The following ADAMTS19 variants were observed in gnomAD, a reference collection of about 807,000 sequenced individuals.
ADAMTS19 encodes A disintegrin and metalloproteinase with thrombospondin motifs 19.
In ADAMTS19, 93 loss-of-function variants were observed where a neutral mutation model predicts 153.3. The ratio of observed to expected loss-of-function variants is 0.61; its 90% CI spans 0.51 to 0.72. The LOEUF (loss-of-function observed/expected upper bound fraction) is 0.72, where lower values mean the gene tolerates loss of function less well. Among genes scored for constraint, ADAMTS19 ranks in the 30% least tolerant of loss-of-function variants. The probability of loss-of-function intolerance (pLI) is 0.00; values close to 1 mark genes in which losing one functional copy is unlikely to be tolerated. For synonymous variants in ADAMTS19, 600 were observed against 556.6 expected (o/e 1.08, Z -1.10); for missense variants, 1,482 against 1,552.1 (o/e 0.95, Z 0.76).
At chr5:129,712,638 T>C (rs1756534322) in intron 21 of ADAMTS19, among the ~76,000 whole-genome samples, 1 of 152,146 alleles carries the variant, frequency 6.6e-6, no homozygotes, top group Non-Finnish European at 1.5e-5. Flanking sequence ...GTCTTATTTA[T>C]TGCCACTAGA....
At chr5:129,691,730 A>G (rs1320281055) in intron 18 of ADAMTS19, among the ~76,000 whole-genome samples, 1 of 152,182 alleles carries the variant, frequency 6.6e-6, no homozygotes. Flanking sequence ...AAATGTCTCA[A>G]TTCATACTCA....
chr5:129,540,074 T>A (rs1454216298), intron 6 of ADAMTS19, among the ~76,000 whole-genome samples: 6 of 152,120 alleles, frequency 3.9e-5, no homozygotes, highest in Admixed American at 3.9e-4. Context: ...AAAAATAGAA[T>A]AACATTGGAA....
chr5:129,645,171 G>A (rs977565263), intron 11 of ADAMTS19, among the ~76,000 whole-genome samples: 1 of 152,058 alleles, frequency 6.6e-6, no homozygotes, highest in East Asian at 1.9e-4. Flanking sequence ...TAATCCCTTA[G>A]TACTTTTATA....
At chr5:129,720,784 A>G (rs905251289) in intron 21 of ADAMTS19, among the ~76,000 whole-genome samples, 1 of 152,172 alleles carries the variant, frequency 6.6e-6, no homozygotes, top group Non-Finnish European at 1.5e-5. Context: ...GGAATAGCCC[A>G]TTTATAAAGT....
chr5:129,649,028 G>GT (rs1753196799), intron 13 of ADAMTS19, 58 bp downstream of exon 13: 1 of 1,451,254 alleles, frequency 6.9e-7, no homozygotes. Context: ...TTTGCGAAGT[G>GT]TTTTTACAAT....
chr5:129,593,444 T>C (rs959378240), intron 7 of ADAMTS19, among the ~76,000 whole-genome samples: 30 of 152,208 alleles, frequency 2.0e-4, no homozygotes, highest in African/African-American at 7.2e-4. Flanking sequence ...CAGAACTTTC[T>C]CTCTGAAATC....
chr5:129,719,767 G>A (rs755391458), intron 21 of ADAMTS19, among the ~76,000 whole-genome samples: 36 of 152,296 alleles, frequency 2.4e-4, no homozygotes, highest in African/African-American at 6.0e-4. Context: ...TCAGCTGGGC[G>A]CAGTGGCCCA....
chr5:129,527,680 TG>T (rs1208861044), intron 4 of ADAMTS19, 67 bp from the exon 5 acceptor site: 11 of 746,816 alleles, frequency 1.5e-5, no homozygotes, highest in Non-Finnish European at 6.7e-6. Flanking sequence ...TCTCCATGTA[TG>T]GGCCTTGAGA....
chr5:129,622,991 G>T (rs901538997), intron 10 of ADAMTS19, among the ~76,000 whole-genome samples: 1 of 151,798 alleles, frequency 6.6e-6, no homozygotes, highest in Non-Finnish European at 1.5e-5. Context: ...TTTCTTATAT[G>T]GAAATGGGTA....
At chr5:129,613,018 A>G (rs1235174798) in intron 8 of ADAMTS19, among the ~76,000 whole-genome samples, 1 of 152,196 alleles carries the variant, frequency 6.6e-6, no homozygotes, top group African/African-American at 2.4e-5. Flanking sequence ...CCAATGCAGG[A>G]GCACCCGGAT....
chr5:129,693,879 G>T (rs1755443090), intron 18 of ADAMTS19, among the ~76,000 whole-genome samples: 1 of 152,114 alleles, frequency 6.6e-6, no homozygotes, highest in African/African-American at 2.4e-5. Context: ...AATCATTTGG[G>T]TAAAGATTTC....
chr5:129,610,934 C>T (rs1581142830), intron 8 of ADAMTS19, among the ~76,000 whole-genome samples: 1 of 152,170 alleles, frequency 6.6e-6, no homozygotes, highest in East Asian at 1.9e-4. Flanking sequence ...TATTTCTCCA[C>T]ATCCTCTCCA....
rs1006341841 is a variant in ADAMTS19 at position 129,582,363 on chromosome 5, CT to C, written c.1373-14187del. On this transcript the variant is annotated intron_variant, in intron 7 of 22. Transcript: ENST00000274487. Reference sequence around the variant, plus strand: ...ACCATTATGTAATGCCCTTCTTTATCTTTTTTTTTAATCTTTGTTTAAAGTC... The same window carrying C: ...ACCATTATGTAATGCCCTTCTTTATCTTTTTTTTAATCTTTGTTTAAAGTC... 1.5e-3 allele frequency among the ~76,000 whole-genome samples: 223 copies of C among 149,552 alleles called. 1 individual carries two copies. The highest frequency in any genetic ancestry group is 4.9e-3 in the African/African-American group (199 of 40,678).
chr5:129,607,460 T>A (rs80158716), intron 8 of ADAMTS19, among the ~76,000 whole-genome samples: 7 of 152,198 alleles, frequency 4.6e-5, no homozygotes, highest in African/African-American at 1.7e-4. Context: ...GTTGTATGAA[T>A]GCTCATCTGT....
intron 16 of ADAMTS19, among the ~76,000 whole-genome samples, chr5:129,673,465 A>G (rs1754404770): frequency 6.6e-6 from 1 of 152,098 alleles, no homozygotes; most frequent in Non-Finnish European, 1.5e-5. Context: ...TTTAAAATAG[A>G]TATATTGTTA....
intron 21 of ADAMTS19, among the ~76,000 whole-genome samples, chr5:129,712,581 AT>A (rs796406941): frequency 1.3e-4 from 19 of 151,268 alleles, no homozygotes; most frequent in East Asian, 7.8e-4. Flanking sequence ...AAGAGAATGG[AT>A]TTTTTTTTGC....
At chr5:129,597,675 G>A (rs1336108949) in intron 8 of ADAMTS19, among the ~76,000 whole-genome samples, 1 of 152,172 alleles carries the variant, frequency 6.6e-6, no homozygotes, top group East Asian at 1.9e-4. Flanking sequence ...GGGAGGCCGA[G>A]GTGGGCGGAT....
At chr5:129,467,109 T>C (rs559716875) in intron 2 of ADAMTS19, among the ~76,000 whole-genome samples, 1 of 152,334 alleles carries the variant, frequency 6.6e-6, no homozygotes, top group East Asian at 1.9e-4. Context: ...TTACAGAATG[T>C]TGTACCTACC....
chr5:129,658,341 GAAA>G (rs1298734876), intron 14 of ADAMTS19, among the ~76,000 whole-genome samples: 23 of 146,516 alleles, frequency 1.6e-4, no homozygotes, highest in South Asian at 1.3e-3. Flanking sequence ...AAGAAAGAAA[GAAA>G]GAAAGAAAGA....
Sources: gnomAD v4.1 joint callset for allele counts (sites outside exome capture counted in the v4.1 genomes callset) on GRCh38, gnomAD v4.1.1 for gene constraint, MANE v1.5 for transcripts, NCBI Gene and HGNC (gene_info 2026-07-23, HGNC 2026-07-21) for gene names.